Variants in ANK3 observed in about 807,000 individuals in gnomAD.
ANK3 encodes ankyrin-3.
Under a neutral mutation model 370.9 loss-of-function variants are expected in ANK3, and 57 were observed. The observed-to-expected ratio is 0.15, with a 90% confidence interval of 0.12 to 0.19. ANK3 has a LOEUF of 0.19. ANK3 is among the 10% of genes least tolerant of loss of function. The pLI, the probability that ANK3 is intolerant of heterozygous loss-of-function variation, is 1.00. For synonymous variants in ANK3, 1,929 were observed against 1,946.3 expected (o/e 0.99, Z 0.23); for missense variants, 4,439 against 5,302.1 (o/e 0.84, Z 5.06).
In ANK3 at chr10:60,367,999, A is replaced by G. The variant is rs140395022; in HGVS notation, c.114+21426T>C. 2.2e-4 allele frequency among the ~76,000 whole-genome samples: 34 copies of G among 152,190 alleles called. 1 individual carries two copies. The East Asian group carries it at 6.4e-3, about 29-fold the overall frequency. On this transcript the variant is annotated intron_variant, in intron 1 of 43. Coordinates refer to ENST00000280772, the MANE Select transcript of ANK3 (RefSeq NM_020987.5). ...TTTATGGCTTGTCTAATGCTTGTCT[A>G]TTTTAATAAAGAGAATAAATTACAA...
At chr10:60,311,568 A>T (rs1331979415) in intron 1 of ANK3, among the ~76,000 whole-genome samples, 2 of 151,676 alleles carry the variant, frequency 1.3e-5, no homozygotes, top group Non-Finnish European at 2.9e-5. Flanking sequence ...GGGGAAGAAT[A>T]CTTCCCTGTT....
rs1055691101 is a variant in ANK3, at chr10:60,060,579, ATTGT to A, written c.12596-1153_12596-1150del. 1.2e-4 allele frequency: 18 copies of A among 152,338 alleles called. No homozygotes were observed. In the South Asian group the frequency reaches 2.9e-3, roughly 25 times the overall value. The allele number at this position is 152,338 out of a possible 1,614,324, so 9.4% of individuals were successfully genotyped here. The stretch of plus-strand genomic sequence containing the variant: ...CGGATTTAATCTTTGGAAAGAAATG[ATTGT>A]TTGTTAGATTTTAGAGCAGTGGCAC... On this transcript the variant is annotated intron_variant, in intron 40 of 43. Coordinates refer to ENST00000280772, the MANE Select transcript of ANK3 (RefSeq NM_020987.5).
At chr10:60,565,948 A>G (rs576491860) in intron 2 of ANK3, among the ~76,000 whole-genome samples, 1 of 152,258 alleles carries the variant, frequency 6.6e-6, no homozygotes, top group East Asian at 1.9e-4. Context: ...ATTTTTTACA[A>G]CTTAAAGGTT....
chr10:60,363,879 A>C (rs956878411), intron 1 of ANK3, among the ~76,000 whole-genome samples: 3 of 152,130 alleles, frequency 2.0e-5, no homozygotes, highest in African/African-American at 7.2e-5. Context: ...AAACATCGTA[A>C]GTTTTTATAA....
chr10:60,636,603 A>G (rs772198176), intron 1 of ANK3, among the ~76,000 whole-genome samples: 1 of 152,230 alleles, frequency 6.6e-6, no homozygotes, highest in Non-Finnish European at 1.5e-5. Context: ...GAAAAACAGC[A>G]GATTCTGTGT....
intron 2 of ANK3, among the ~76,000 whole-genome samples, chr10:60,541,513 A>G (rs1419078540): frequency 6.6e-6 from 1 of 152,004 alleles, no homozygotes; most frequent in East Asian, 1.9e-4. Flanking sequence ...AAAGAAATCT[A>G]GTGATTTTTA....
chr10:60,542,644 A>G (rs538442150), intron 2 of ANK3, among the ~76,000 whole-genome samples: 2 of 152,076 alleles, frequency 1.3e-5, no homozygotes, highest in Admixed American at 1.3e-4. Flanking sequence ...ATATTTCTTC[A>G]TTCTGCCCTT....
At chr10:60,646,910 T>C (rs2078717049) in intron 1 of ANK3, among the ~76,000 whole-genome samples, 1 of 152,176 alleles carries the variant, frequency 6.6e-6, no homozygotes, top group Non-Finnish European at 1.5e-5. Flanking sequence ...GTTTCACATA[T>C]GAAACTTTCT....
At chr10:60,349,412 G>T (rs1042551625) in intron 1 of ANK3, among the ~76,000 whole-genome samples, 1 of 152,150 alleles carries the variant, frequency 6.6e-6, no homozygotes, top group Non-Finnish European at 1.5e-5. Flanking sequence ...CATGAAAATA[G>T]TAAGCAAAGA....
intron 1 of ANK3, among the ~76,000 whole-genome samples, chr10:60,378,085 T>C (rs1280409716): frequency 6.6e-6 from 1 of 152,152 alleles, no homozygotes; most frequent in African/African-American, 2.4e-5. Flanking sequence ...ATTGCTTCTA[T>C]TGTCAAGGAG....
At chr10:60,707,689 A>C (rs1228714330) in intron 1 of ANK3, among the ~76,000 whole-genome samples, 2 of 151,860 alleles carry the variant, frequency 1.3e-5, no homozygotes, top group East Asian at 3.9e-4. Context: ...GTTGATTTTG[A>C]AATAATTTCT....
chr10:60,148,344 T>C (rs1297720277), intron 23 of ANK3, among the ~76,000 whole-genome samples: 4 of 152,156 alleles, frequency 2.6e-5, no homozygotes, highest in African/African-American at 4.8e-5. Flanking sequence ...CAAGATCACA[T>C]AGGACATTTT....
chr10:60,221,507 G>T (rs1458552308), intron 8 of ANK3, among the ~76,000 whole-genome samples: 3 of 152,110 alleles, frequency 2.0e-5, no homozygotes, highest in Admixed American at 1.3e-4. Context: ...TCACCCCATG[G>T]TCAGTCATGA....
chr10:60,144,352 C>G (rs2094709866), intron 23 of ANK3: 1 of 274,662 alleles, frequency 3.6e-6, no homozygotes, highest in South Asian at 3.2e-5. Flanking sequence ...ACACAAAGCC[C>G]AGGAGCACAG....
intron 2 of ANK3, among the ~76,000 whole-genome samples, chr10:60,589,799 C>T (rs368897907): frequency 1.8e-4 from 28 of 152,252 alleles, no homozygotes; most frequent in Non-Finnish European, 3.4e-4. Flanking sequence ...AATTTATCAC[C>T]ACCATTTTTT....
intron 25 of ANK3, among the ~76,000 whole-genome samples, chr10:60,121,916 G>A (rs2393611): frequency 0.69 from 105,288 of 152,020 alleles, 37,288 homozygotes; most frequent in East Asian, 0.93. Context: ...AAATATATAT[G>A]CCTACTATGT....
At chr10:60,459,736 G>T (rs755423686) in intron 2 of ANK3, among the ~76,000 whole-genome samples, 8 of 152,044 alleles carry the variant, frequency 5.3e-5, no homozygotes, top group African/African-American at 1.9e-4. Flanking sequence ...TGAACCAAAG[G>T]CATCTCAGAT....
chr10:60,137,505 T>C (rs2094409310), intron 24 of ANK3, among the ~76,000 whole-genome samples: 1 of 151,958 alleles, frequency 6.6e-6, no homozygotes. Context: ...GAATATATTT[T>C]ACTTGATAAT....
intron 11 of ANK3, among the ~76,000 whole-genome samples, chr10:60,203,866 C>A (rs183680822): frequency 3.0e-4 from 45 of 152,246 alleles, no homozygotes; most frequent in African/African-American, 1.0e-3. Context: ...AGATAAAAAT[C>A]TCAAGTCATT....
Sources: gnomAD v4.1 joint callset for allele counts (sites outside exome capture counted in the v4.1 genomes callset) on GRCh38, gnomAD v4.1.1 for gene constraint, MANE v1.5 for transcripts, NCBI Gene and HGNC (gene_info 2026-07-23, HGNC 2026-07-21) for gene names.